PLXDC2: variants seen among roughly 807,000 people sequenced by gnomAD.
The protein encoded by PLXDC2 is plexin domain containing 2.
In PLXDC2, 40 loss-of-function variants were observed where a neutral mutation model predicts 68.9. That is an observed-to-expected ratio of 0.58 (90% CI 0.45 to 0.76). PLXDC2 has a LOEUF of 0.76. Ranked by LOEUF, PLXDC2 falls within the 30% of genes least tolerant of loss-of-function variation. PLXDC2 has a pLI of 0.00. For missense variants in PLXDC2, 644 were observed against 661.9 expected, an observed-to-expected ratio of 0.97 and a Z score of 0.30; for synonymous variants, 243 against 234.2, an observed-to-expected ratio of 1.04 and a Z score of -0.34.
intron 12 of PLXDC2, among the ~76,000 whole-genome samples, chr10:20,225,117 G>A (rs1835268873): frequency 6.6e-6 from 1 of 152,146 alleles, no homozygotes; most frequent in African/African-American, 2.4e-5. Context: ...CCTATGGAAT[G>A]GCTGGTCTAA....
At chr10:20,031,602 C>G (rs1484237910) in intron 2 of PLXDC2, among the ~76,000 whole-genome samples, 1 of 152,064 alleles carries the variant, frequency 6.6e-6, no homozygotes, top group African/African-American at 2.4e-5. Context: ...ATTCAGGATT[C>G]TTTGGATTGG....
At chr10:19,837,105 GT>G (rs139161456) in intron 1 of PLXDC2, among the ~76,000 whole-genome samples, 13 of 148,992 alleles carry the variant, frequency 8.7e-5, no homozygotes, top group East Asian at 3.9e-4. Context: ...TGAATTGAAG[GT>G]TTTTTTTTTA....
chr10:19,910,139 C>T (rs1217301713), intron 1 of PLXDC2, among the ~76,000 whole-genome samples: 2 of 148,940 alleles, frequency 1.3e-5, no homozygotes, highest in African/African-American at 2.5e-5. Context: ...AGGGACAGGA[C>T]GTAACAGTGA....
intron 12 of PLXDC2, among the ~76,000 whole-genome samples, chr10:20,224,340 AATGCATTTAT>A (rs1045591960): frequency 2.0e-5 from 3 of 152,154 alleles, no homozygotes; most frequent in Non-Finnish European, 2.9e-5. Context: ...TTCTTTTGGA[AATGCATTTAT>A]ATGCATTTAT....
intron 1 of PLXDC2, among the ~76,000 whole-genome samples, chr10:19,934,734 A>G (rs1833695029): frequency 6.6e-6 from 1 of 152,240 alleles, no homozygotes; most frequent in African/African-American, 2.4e-5. Context: ...TTCCTATCCA[A>G]TGCAGTGCCT....
chr10:20,233,188 A>G (rs891081854), intron 12 of PLXDC2, among the ~76,000 whole-genome samples: 1 of 151,874 alleles, frequency 6.6e-6, no homozygotes, highest in African/African-American at 2.4e-5. Flanking sequence ...GTGTTGGGGG[A>G]TGGGATTCAA....
intron 1 of PLXDC2, among the ~76,000 whole-genome samples, chr10:19,886,848 G>A (rs1414070964): frequency 2.6e-5 from 4 of 152,136 alleles, no homozygotes; most frequent in African/African-American, 9.7e-5. Flanking sequence ...GTCACAATAT[G>A]TATTTATGTT....
chr10:19,938,983 G>GA (rs924170775), intron 1 of PLXDC2, among the ~76,000 whole-genome samples: 2 of 151,954 alleles, frequency 1.3e-5, no homozygotes, highest in Non-Finnish European at 1.5e-5. Context: ...GAGTGGGCAT[G>GA]AAAAAAAACT....
rs71388889 is a variant in PLXDC2, at chr10:20,020,178, A to ATTTTTT, written c.324+18209_324+18214dup. On this transcript the variant is annotated intron_variant, in intron 2 of 13. Transcript: ENST00000377252. The stretch of plus-strand genomic sequence containing the variant: ...AAACACATGCCACCACACCCAGCAA[A>ATTTTTT]TTTTTTTTTTTTTTTTTTTTTTGTA... Among the ~76,000 whole-genome samples, 436 of 107,306 alleles carry ATTTTTT rather than the reference A, an allele frequency of 4.1e-3. 11 individuals are homozygous for ATTTTTT. Among genetic ancestry groups the ATTTTTT allele is most frequent in the Non-Finnish European group, 5.9e-3 (340 of 57,302 alleles). The allele number at this position is 107,306 out of a possible 152,430, so 70.4% of individuals were successfully genotyped here.
intron 1 of PLXDC2, among the ~76,000 whole-genome samples, chr10:19,952,591 A>G (rs1448099706): frequency 6.6e-6 from 1 of 152,240 alleles, no homozygotes; most frequent in Non-Finnish European, 1.5e-5. Flanking sequence ...AGCATGCCAG[A>G]CTTATTCAGA....
intron 1 of PLXDC2, among the ~76,000 whole-genome samples, chr10:19,840,921 A>T (rs569312804): frequency 3.3e-5 from 5 of 152,300 alleles, no homozygotes; most frequent in African/African-American, 7.2e-5. Context: ...AGTGAAACAG[A>T]TGTCAGAAAG....
chr10:20,116,035 A>T (rs1833616473), intron 4 of PLXDC2, among the ~76,000 whole-genome samples: 1 of 152,180 alleles, frequency 6.6e-6, no homozygotes, highest in African/African-American at 2.4e-5. Flanking sequence ...ATTGGTCTGA[A>T]CCAGTTACAC....
At chr10:19,930,065 A>G (rs964467313) in intron 1 of PLXDC2, among the ~76,000 whole-genome samples, 1 of 151,924 alleles carries the variant, frequency 6.6e-6, no homozygotes, top group Non-Finnish European at 1.5e-5. Flanking sequence ...CTAGAATTTC[A>G]TTGCTCCAGC....
intron 1 of PLXDC2, among the ~76,000 whole-genome samples, chr10:19,980,817 A>T (rs532310173): frequency 6.6e-6 from 1 of 152,238 alleles, no homozygotes; most frequent in East Asian, 1.9e-4. Context: ...CCCATCCCCA[A>T]ATATAGCCAA....
At position 20,200,607 on chromosome 10, in the gene PLXDC2, A is replaced by T. The variant is rs536315868; in HGVS notation, c.1062-11062A>T. Among the ~76,000 whole-genome samples, 3 of 152,258 alleles carry T rather than the reference A, an allele frequency of 2.0e-5. No homozygotes were observed. The East Asian group carries it at 5.8e-4, about 29-fold the overall frequency. On this transcript the variant is annotated intron_variant, in intron 9 of 13. Coordinates refer to ENST00000377252, the MANE Select transcript of PLXDC2 (RefSeq NM_032812.9). ...CAAAGTGAGAAAACCTACAAAATAG[A>T]AGATATTGATAAACTGTTCATCTGA...
chr10:20,145,262 CA>C (rs577439009), intron 5 of PLXDC2, among the ~76,000 whole-genome samples: 30 of 152,236 alleles, frequency 2.0e-4, no homozygotes, highest in African/African-American at 6.7e-4. Context: ...ATATTGAGTT[CA>C]AACAATATGA....
chr10:20,238,540 A>T (rs2131885821), intron 12 of PLXDC2, among the ~76,000 whole-genome samples: 1 of 150,518 alleles, frequency 6.6e-6, no homozygotes, highest in East Asian at 2.0e-4. Context: ...CCAGCTACTC[A>T]GGAGGCTGAG....
At chr10:20,044,651 C>A (rs1206687602) in intron 2 of PLXDC2, among the ~76,000 whole-genome samples, 1 of 152,080 alleles carries the variant, frequency 6.6e-6, no homozygotes, top group Non-Finnish European at 1.5e-5. Flanking sequence ...CATCTTCAGA[C>A]AGAATTTCCC....
chr10:20,007,724 G>A (rs903778736), intron 2 of PLXDC2, among the ~76,000 whole-genome samples: 2 of 152,226 alleles, frequency 1.3e-5, no homozygotes, highest in African/African-American at 4.8e-5. Context: ...GCTTGAGCCG[G>A]TCTGATATTC....
Sources: allele counts gnomAD v4.1 joint callset (sites outside exome capture counted in the v4.1 genomes callset), GRCh38; gene constraint gnomAD v4.1.1; transcripts MANE v1.5; gene names NCBI Gene and HGNC (gene_info 2026-07-23, HGNC 2026-07-21).